Variants in SBNO2 observed in about 807,000 individuals in gnomAD.
SBNO2 encodes the protein protein strawberry notch homolog 2.
Under a neutral mutation model 146.3 loss-of-function variants are expected in SBNO2, and 89 were observed. That is an observed-to-expected ratio of 0.61 (90% CI 0.51 to 0.73). SBNO2 has a LOEUF of 0.73. Ranked by LOEUF, SBNO2 falls within the 30% of genes least tolerant of loss-of-function variation. The probability of loss-of-function intolerance (pLI) is 0.00; values close to 1 mark genes in which losing one functional copy is unlikely to be tolerated. For missense variants in SBNO2, 2,092 were observed against 2,003.7 expected, an observed-to-expected ratio of 1.04 and a Z score of -0.84; for synonymous variants, 1,147 against 892.6, an observed-to-expected ratio of 1.29 and a Z score of -5.08.
chr19:1,170,664 G>A (rs118061438), intron 1 of SBNO2, among the ~76,000 whole-genome samples: 7,336 of 151,550 alleles, frequency 0.048, 363 homozygotes, highest in East Asian at 0.25. Flanking sequence ...CACAACACAC[G>A]CACACATACA....
At position 1,122,970 on chromosome 19, in the gene SBNO2, G is replaced by A. The variant is rs1453484291; in HGVS notation, c.704C>T (p.Thr235Ile). The A allele has an allele frequency of 4.4e-6, 7 of 1,573,346 alleles. No homozygotes were observed. The highest frequency in any genetic ancestry group is 1.9e-5 in the Admixed American group (1 of 53,506). The change falls in exon 8 of 32, where the codon ACC becomes ATC. Residue 235 changes from threonine (T) to isoleucine (I), a missense_variant. Transcript: ENST00000361757. Reference protein sequence around the residue: ...TLSSVPPPDITYTLALPSDSG... With the variant: ...TLSSVPPPDIIYTLALPSDSG... ...GTCCGAGGGCAGGGCCAGGGTGTAG[G>A]TGATGTCTGGGGGTGGGACGCTGGA... is the stretch of plus-strand genomic sequence containing the variant.
Position 1,150,109 on chromosome 19 carries a change from G to A in SBNO2, c.94-667C>T, listed in dbSNP as rs972157434. Among the ~76,000 whole-genome samples, 10 of 152,130 alleles carry A rather than the reference G, an allele frequency of 6.6e-5. No individual in the cohort carries two copies. Among genetic ancestry groups the A allele is most frequent in the African/African-American group, 1.2e-4 (5 of 41,406 alleles). ...AGGCGTGAGTGGCTCCAGGTTGGCC[G>A]AATCTCTGGTGGGTCTGACTCCAGG... is the stretch of plus-strand genomic sequence containing the variant. On this transcript the variant is annotated intron_variant, in intron 2 of 31. Transcript: ENST00000361757. The surrounding 1 kb of genome is among the most constrained non-coding windows in gnomAD (Gnocchi z 6.2).
Position 1,157,615 on chromosome 19 carries a change from G to A in SBNO2, c.-126-3213C>T, listed in dbSNP as rs966350300. Among the ~76,000 whole-genome samples the A allele has an allele frequency of 8.5e-5, 13 of 152,304 alleles. No individual in the cohort carries two copies. Among genetic ancestry groups the A allele is most frequent in the East Asian group, 5.8e-4 (3 of 5,192 alleles). ...CGGTTCCCACCTTGGGAGGGGGCCC[G>A]CGCTTTATCAGCACGCTGACACCCA... On this transcript the variant is annotated intron_variant, in intron 1 of 31. Coordinates refer to ENST00000361757, the MANE Select transcript of SBNO2 (RefSeq NM_014963.3). This position sits in a 1 kb window ranked among gnomAD's most constrained non-coding sequence, Gnocchi z 6.8.
In SBNO2 at chr19:1,112,383, G is replaced by T; in HGVS notation, c.2515+19C>A. 6.3e-7 allele frequency: 1 copy of T among 1,590,542 alleles called. No individual in the cohort carries two copies. Among genetic ancestry groups the T allele is most frequent in the East Asian group, 2.3e-5 (1 of 44,154 alleles). On this transcript the variant is annotated intron_variant, in intron 21 of 31. Coordinates refer to ENST00000361757, the MANE Select transcript of SBNO2 (RefSeq NM_014963.3). This position sits in a 1 kb window ranked among gnomAD's most constrained non-coding sequence, Gnocchi z 5.9. ...TTGGGGGCGGGGCCAGGCAGCGCTG[G>T]GGGCGGGGCCGGACTCACCGAACTG...
At chr19:1,141,749 A>T (rs1480748924) in intron 4 of SBNO2, among the ~76,000 whole-genome samples, 2 of 152,000 alleles carry the variant, frequency 1.3e-5, no homozygotes, top group Non-Finnish European at 2.9e-5. Flanking sequence ...ATGGGACCCA[A>T]ATACTGGGAC....
At chr19:1,119,373 G>T in intron 13 of SBNO2, 143 bp downstream of exon 13, 1 of 857,622 alleles carries the variant, frequency 1.2e-6, no homozygotes. Context: ...TGGGCAGCCC[G>T]AGGCAGTGAA....
chr19:1,132,247 G>A (rs1220158982), intron 4 of SBNO2: 1 of 1,307,680 alleles, frequency 7.6e-7, no homozygotes, highest in African/African-American at 1.5e-5. Context: ...GACGGGGGCG[G>A]CTCTCCGCCC....
Position 1,119,698 on chromosome 19 carries a change from C to T in SBNO2, c.1268-77G>A, listed in dbSNP as rs1010682967. On this transcript the variant is annotated intron_variant, in intron 12 of 31. Coordinates refer to ENST00000361757, the MANE Select transcript of SBNO2 (RefSeq NM_014963.3). ...GCGTCAGGGGACGACTAAGTTGGGA[C>T]CACCCGACGAGGGGCCCTGCGGGGT... The T allele has an allele frequency of 3.8e-6, 5 of 1,329,382 alleles. No homozygotes were observed. In the African/African-American group the frequency reaches 5.8e-5, roughly 16 times the overall value. 82.3% of individuals were successfully genotyped at this position (1,329,382 alleles called of 1,614,324 possible).
chr19:1,128,072 T>G, intron 4 of SBNO2: 2 of 525,026 alleles, frequency 3.8e-6, no homozygotes, highest in South Asian at 3.5e-5. Flanking sequence ...TGCTTCGGCA[T>G]CCAAAAGTGT....
chr19:1,172,110 G>A (rs1470070648), intron 1 of SBNO2, among the ~76,000 whole-genome samples: 1 of 152,214 alleles, frequency 6.6e-6, no homozygotes, highest in Non-Finnish European at 1.5e-5. Context: ...GTGGGCAGAT[G>A]TCTGCCGGGA....
rs894220197 is a variant in SBNO2, at chr19:1,173,988, G to A, written c.-127+184C>T. Among the ~76,000 whole-genome samples the A allele has an allele frequency of 4.6e-5, 7 of 150,884 alleles. No individual in the cohort carries two copies. Among genetic ancestry groups the A allele is most frequent in the East Asian group, 2.0e-4 (1 of 5,096 alleles). On this transcript the variant is annotated intron_variant, in intron 1 of 31. Transcript: ENST00000361757. This position sits in a 1 kb window ranked among gnomAD's most constrained non-coding sequence, Gnocchi z 4.7. ...GCGCGGGGTCAACGTTGGCGGCGAA[G>A]GGCGGGGTCGGAAGGGGTCGCGGCG...
At chr19:1,161,582 G>C (rs771274726) in intron 1 of SBNO2, among the ~76,000 whole-genome samples, 1 of 149,018 alleles carries the variant, frequency 6.7e-6, no homozygotes, top group Non-Finnish European at 1.5e-5. Context: ...GGGAGCTGGG[G>C]GTGGGGGTGC....
In SBNO2 at chr19:1,114,369, C is replaced by T; in HGVS notation, c.1939G>A (p.Gly647Ser). 2 of 1,555,424 alleles carry T rather than the reference C, an allele frequency of 1.3e-6. No homozygotes were observed. Among genetic ancestry groups the T allele is most frequent in the South Asian group, 2.4e-5 (2 of 84,336 alleles). Residue 647 changes from glycine (G) to serine (S), a missense_variant, in exon 18 of 32, where the codon GGC becomes AGC. Transcript: ENST00000361757. Reference sequence around the variant, plus strand: ...CTGTCGTCACTGATGCGGATGACGCCCGCTGTCTCGCACGCCAGCCGGGGG... The same window carrying T: ...CTGTCGTCACTGATGCGGATGACGCTCGCTGTCTCGCACGCCAGCCGGGGG... ...KAPRLACETA[G>S]VIRISDDSST...
At chr19:1,161,053 G>A (rs1416871875) in intron 1 of SBNO2, among the ~76,000 whole-genome samples, 1 of 137,326 alleles carries the variant, frequency 7.3e-6, no homozygotes, top group East Asian at 2.1e-4. Flanking sequence ...CAGACCGGGA[G>A]CACCGGGAGG....
Position 1,147,429 on chromosome 19 carries a change from AGAT to A in SBNO2, c.168-12_168-10del. 7 of 596,780 alleles carry A rather than the reference AGAT, an allele frequency of 1.2e-5. No homozygotes were observed. The highest frequency in any genetic ancestry group is 2.2e-5 in the South Asian group (1 of 44,542). The allele number at this position is 596,780 out of a possible 1,614,324, so 37.0% of individuals were successfully genotyped here. A position where few individuals can be genotyped will look rare whatever the true frequency, so the allele number is the denominator to read the frequency against. On this transcript the variant is annotated splice_polypyrimidine_tract_variant and intron_variant, in intron 3 of 31. Transcript: ENST00000361757. ...CGGAGCTCATGAACGGGCTGGAGGG[AGAT>A]GGGGGGGGGGGAGGTGAGATGGGGT...
chr19:1,121,679 A>C (rs1178695358), intron 11 of SBNO2, among the ~76,000 whole-genome samples: 1 of 152,144 alleles, frequency 6.6e-6, no homozygotes, highest in African/African-American at 2.4e-5. Context: ...GATGCTGGGG[A>C]GTGAACTGTG....
Position 1,136,785 on chromosome 19 carries a change from A to G in SBNO2, c.280-9020T>C, listed in dbSNP as rs2080088365. Among the ~76,000 whole-genome samples the G allele has an allele frequency of 2.0e-5, 3 of 152,186 alleles. No homozygotes were observed. The highest frequency in any genetic ancestry group is 4.4e-5 in the Non-Finnish European group (3 of 68,038). On this transcript the variant is annotated intron_variant, in intron 4 of 31. Coordinates refer to ENST00000361757, the MANE Select transcript of SBNO2 (RefSeq NM_014963.3). The surrounding 1 kb of genome is among the most constrained non-coding windows in gnomAD (Gnocchi z 4.2). ...GCTGCCTGCCTCCCTGCCTGAAAGC[A>G]GCCAGAGTTTGCAAAGCGCTTTTCT...
rs1233505276 is a variant in SBNO2, at chr19:1,108,285, C to T, written c.4036G>A (p.Gly1346Ser). ...TGGATCACGCTCTGCCGCTCGGGAC[C>T]ACCGCCCGCCGCGCCCCCCGCCCCC... is the stretch of plus-strand genomic sequence containing the variant. ...GAGAGGAAGG[G>S]PERQSVIQFS... Residue 1346 changes from glycine to serine, a missense_variant, in exon 32 of 32, where the codon GGT (glycine) becomes AGT (serine). Coordinates refer to ENST00000361757, the MANE Select transcript of SBNO2 (RefSeq NM_014963.3). 2 of 1,503,676 alleles carry T rather than the reference C, an allele frequency of 1.3e-6. No homozygotes were observed. Among genetic ancestry groups the T allele is most frequent in the African/African-American group, 1.5e-5 (1 of 68,524 alleles). The allele number at this position is 1,503,676 out of a possible 1,614,324, so 93.1% of individuals were successfully genotyped here.
In SBNO2 at chr19:1,110,329, T is replaced by C. The variant is rs2079740837; in HGVS notation, c.3028+416A>G. On this transcript the variant is annotated intron_variant, in intron 26 of 31. Coordinates refer to ENST00000361757, the MANE Select transcript of SBNO2 (RefSeq NM_014963.3). The surrounding 1 kb of genome is among the most constrained non-coding windows in gnomAD (Gnocchi z 4.9). The stretch of plus-strand genomic sequence containing the variant: ...CGCCGGCCTTTCGTTCACAACAATG[T>C]AGCAGGTGCCCCGTGAAGCCTGGGG... Among the ~76,000 whole-genome samples, 1 of 152,092 alleles carries C rather than the reference T, an allele frequency of 6.6e-6. No homozygotes were observed. Among genetic ancestry groups the C allele is most frequent in the South Asian group, 2.1e-4 (1 of 4,830 alleles).
Sources: gnomAD v4.1 joint callset for allele counts (sites outside exome capture counted in the v4.1 genomes callset) on GRCh38, gnomAD v4.1.1 for gene constraint, Gnocchi (gnomAD v3.1) non-coding constraint, MANE v1.5 for transcripts, NCBI Gene and HGNC (gene_info 2026-07-23, HGNC 2026-07-21) for gene names.